RGS3: variants seen among roughly 807,000 people sequenced by gnomAD.
RGS3 encodes regulator of G-protein signalling 3.
Under a neutral mutation model 132.6 loss-of-function variants are expected in RGS3, and 80 were observed. The ratio of observed to expected loss-of-function variants is 0.60; its 90% confidence interval spans 0.50 to 0.73. The LOEUF (loss-of-function observed/expected upper bound fraction) is 0.73. RGS3 is among the 30% of genes least tolerant of loss of function. RGS3 has a pLI of 0.00. For missense variants in RGS3, 1,382 were observed against 1,530.8 expected, an observed-to-expected ratio of 0.90 and a Z score of 1.62; for synonymous variants, 598 against 620.6, an observed-to-expected ratio of 0.96 and a Z score of 0.54.
intron 15 of RGS3, among the ~76,000 whole-genome samples, 184 bp downstream of exon 13, chr9:113,514,838 G>A (rs1264269003): frequency 2.6e-5 from 4 of 152,142 alleles, no homozygotes; most frequent in African/African-American, 9.7e-5. Context: ...TTTCCAGGGA[G>A]ATACACAGGA....
At chr9:113,496,933 G>A (rs1564486727) in intron 8 of RGS3, among the ~76,000 whole-genome samples, 1 of 152,168 alleles carries the variant, frequency 6.6e-6, no homozygotes, top group Non-Finnish European at 1.5e-5. Flanking sequence ...GCCACAGGAT[G>A]CCTTTTGGTC....
chr9:113,558,138 A>G (rs1028682777), intron 19 of RGS3, among the ~76,000 whole-genome samples: 14 of 152,180 alleles, frequency 9.2e-5, no homozygotes, highest in African/African-American at 3.4e-4. Context: ...CACAGGATGT[A>G]TAGCAGGAGG....
intron 17 of RGS3, among the ~76,000 whole-genome samples, chr9:113,527,886 G>T (rs780213268): frequency 1.3e-5 from 2 of 152,230 alleles, no homozygotes; most frequent in Non-Finnish European, 2.9e-5. Flanking sequence ...CTGGTGCTTT[G>T]AGAGGACAGA....
At chr9:113,536,695 C>T in intron 18 of RGS3, 101 bp from the exon 17 acceptor site, 2 of 1,526,386 alleles carry the variant, frequency 1.3e-6, no homozygotes, top group South Asian at 1.3e-5. Flanking sequence ...CTCCTGGCTG[C>T]AGCCTCACCC....
intron 16 of RGS3, among the ~76,000 whole-genome samples, chr9:113,520,729 T>G (rs1831911343): frequency 6.6e-6 from 1 of 152,074 alleles, no homozygotes; most frequent in South Asian, 2.1e-4. Context: ...TTCTTTCCAT[T>G]GCTCGGACTT....
intron 20 of RGS3, among the ~76,000 whole-genome samples, chr9:113,584,761 A>G (rs979415720): frequency 6.6e-6 from 1 of 152,254 alleles, no homozygotes; most frequent in Non-Finnish European, 1.5e-5. Flanking sequence ...ATAGAGTTAC[A>G]GCCTAGCCAG....
intron 19 of RGS3, among the ~76,000 whole-genome samples, chr9:113,555,700 C>T (rs951065533): frequency 1.3e-5 from 2 of 152,132 alleles, no homozygotes; most frequent in African/African-American, 4.8e-5. Context: ...CTCCTGACCT[C>T]GTGGTCTGCC....
intron 19 of RGS3, among the ~76,000 whole-genome samples, chr9:113,574,653 T>C (rs1834431123): frequency 1.3e-5 from 2 of 152,186 alleles, no homozygotes; most frequent in Admixed American, 6.5e-5. Flanking sequence ...GAGAGCCTTC[T>C]AGCCAGGGCA....
rs757857392 is a variant in RGS3 at position 113,493,294 on chromosome 9, A to G, written c.690-2492A>G. 3.3e-5 allele frequency among the ~76,000 whole-genome samples: 5 copies of G among 152,136 alleles called. No individual in the cohort carries two copies. In the South Asian group the frequency reaches 8.3e-4, roughly 25 times the overall value. ...GGAGGTGGATGTGGAAGGGCACTTT[A>G]TTGGGGTGAGAGCATTGTCCTTTTT... On this transcript the variant is annotated intron_variant, in intron 7 of 24. Transcript: ENST00000350696.
intron 1 of RGS3, among the ~76,000 whole-genome samples, chr9:113,452,124 G>A (rs1829259640): frequency 6.6e-6 from 1 of 151,838 alleles, no homozygotes; most frequent in African/African-American, 2.4e-5. Flanking sequence ...TCAGCCTCCC[G>A]AGTAGCTAGG....
intron 19 of RGS3, among the ~76,000 whole-genome samples, chr9:113,538,974 A>G (rs1832794029): frequency 6.6e-6 from 1 of 152,174 alleles, no homozygotes; most frequent in Admixed American, 6.5e-5. Flanking sequence ...CCCCATCCCT[A>G]TCACCACCAT....
chr9:113,458,874 C>T (rs771626189), upstream of RGS3, among the ~76,000 whole-genome samples: 27 of 152,184 alleles, frequency 1.8e-4, no homozygotes, highest in Non-Finnish European at 3.2e-4. Context: ...GCCTCAGTCT[C>T]CCGAGTAGCT....
chr9:113,517,439 A>G, intron 15 of RGS3, 102 bp from the exon 14 acceptor site: 2 of 904,948 alleles, frequency 2.2e-6, no homozygotes, highest in South Asian at 2.6e-5. Context: ...TCTCTGGGTC[A>G]GAGGGTTCTC....
intron 7 of RGS3, among the ~76,000 whole-genome samples, chr9:113,493,169 A>G (rs904165717): frequency 2.6e-5 from 4 of 152,350 alleles, no homozygotes; most frequent in Non-Finnish European, 2.9e-5. Context: ...AGCTCAGATT[A>G]GTTTTGGCTG....
chr9:113,481,450 T>A (rs1396416297), intron 4 of RGS3, among the ~76,000 whole-genome samples: 1 of 151,928 alleles, frequency 6.6e-6, no homozygotes, highest in African/African-American at 2.4e-5. Context: ...CTGGGCAGAG[T>A]AGACTAGTAG....
intron 19 of RGS3, 147 bp from the exon 18 acceptor site, chr9:113,583,303 C>A: frequency 7.2e-7 from 1 of 1,394,212 alleles, no homozygotes; most frequent in Non-Finnish European, 9.4e-7. Context: ...GTCAAAGGGG[C>A]TTTGGGGGTT....
At chr9:113,597,059 T>C (rs1051013) in exon 25 of RGS3, 725,895 of 935,266 alleles carry the variant, frequency 0.78, 283,653 homozygotes, top group East Asian at 0.98. Context: ...CCCCAGAGGC[T>C]GTGTCTCTGG....
At chr9:113,469,900 GTT>G (rs61167820) in intron 3 of RGS3, among the ~76,000 whole-genome samples, 7 of 129,844 alleles carry the variant, frequency 5.4e-5, no homozygotes, top group Admixed American at 7.6e-5. Flanking sequence ...GCATATAGTT[GTT>G]TTTTTTTTTT....
intron 19 of RGS3, among the ~76,000 whole-genome samples, chr9:113,569,127 G>A (rs748155451): frequency 7.9e-5 from 12 of 152,206 alleles, no homozygotes; most frequent in Non-Finnish European, 1.6e-4. Context: ...GGCTGCTGCC[G>A]GAGAACTGTC....
Sources: gnomAD v4.1 joint callset for allele counts (sites outside exome capture counted in the v4.1 genomes callset) on GRCh38, gnomAD v4.1.1 for gene constraint, MANE v1.5 for transcripts, NCBI Gene and HGNC (gene_info 2026-07-23, HGNC 2026-07-21) for gene names.